DDX10: variants seen among roughly 807,000 people sequenced by gnomAD.
The protein encoded by DDX10 is DEAD-box helicase 10.
In DDX10, 74 loss-of-function variants were observed where a neutral mutation model predicts 104.3. The ratio of observed to expected loss-of-function variants is 0.71; its 90% confidence interval spans 0.59 to 0.86. The LOEUF (loss-of-function observed/expected upper bound fraction) is 0.86. Among genes scored for constraint, DDX10 ranks in the 40% least tolerant of loss-of-function variants. DDX10 has a pLI of 0.00. For synonymous variants in DDX10, 351 were observed against 353.4 expected, an observed-to-expected ratio of 0.99 and a Z score of 0.08; for missense variants, 952 against 1,040.0, an observed-to-expected ratio of 0.92 and a Z score of 1.16.
intron 16 of DDX10, among the ~76,000 whole-genome samples, chr11:108,897,736 GTCTT>G (rs1565312324): frequency 6.6e-6 from 1 of 151,628 alleles, no homozygotes; most frequent in African/African-American, 2.4e-5. Context: ...ACTAATATAT[GTCTT>G]TCTTTCAGTT....
At chr11:108,812,776 G>A (rs1565286598) in intron 13 of DDX10, among the ~76,000 whole-genome samples, 1 of 152,048 alleles carries the variant, frequency 6.6e-6, no homozygotes, top group Non-Finnish European at 1.5e-5. Context: ...GAAGTCCAGA[G>A]TTTGAGACCA....
At chr11:108,685,360 A>G (rs1443663486) in intron 6 of DDX10, among the ~76,000 whole-genome samples, 1 of 151,490 alleles carries the variant, frequency 6.6e-6, no homozygotes, top group African/African-American at 2.4e-5. Flanking sequence ...TGCGCTTCCC[A>G]GGTGAGGCAA....
intron 16 of DDX10, among the ~76,000 whole-genome samples, chr11:108,854,602 C>T (rs1338405509): frequency 6.6e-6 from 1 of 152,144 alleles, no homozygotes; most frequent in East Asian, 1.9e-4. Context: ...CTATTTTAAG[C>T]AATCACTGCA....
chr11:108,928,781 T>C (rs576847059), intron 17 of DDX10, among the ~76,000 whole-genome samples: 1 of 152,332 alleles, frequency 6.6e-6, no homozygotes, highest in African/African-American at 2.4e-5. Flanking sequence ...TAATGTGCAG[T>C]AATTATTTTA....
chr11:108,736,641 C>A (rs1856552655), intron 13 of DDX10, among the ~76,000 whole-genome samples: 1 of 152,084 alleles, frequency 6.6e-6, no homozygotes, highest in Non-Finnish European at 1.5e-5. Flanking sequence ...TATAAAAAGG[C>A]TTCTTGTAGT....
At chr11:108,828,268 C>A (rs1269383806) in intron 13 of DDX10, among the ~76,000 whole-genome samples, 2 of 152,056 alleles carry the variant, frequency 1.3e-5, no homozygotes, top group Non-Finnish European at 2.9e-5. Flanking sequence ...GAACAGTGTA[C>A]ACTGTACCCA....
chr11:108,822,827 A>T (rs1862344642), intron 13 of DDX10, among the ~76,000 whole-genome samples: 1 of 152,242 alleles, frequency 6.6e-6, no homozygotes. Context: ...AGCATTGCTT[A>T]GGAAAATTAT....
At chr11:108,828,803 T>C (rs946768570) in intron 13 of DDX10, among the ~76,000 whole-genome samples, 2 of 152,194 alleles carry the variant, frequency 1.3e-5, no homozygotes, top group African/African-American at 4.8e-5. Flanking sequence ...TTTGTATTTT[T>C]AGTAGAGACG....
At chr11:108,765,844 A>G (rs762914021) in intron 13 of DDX10, among the ~76,000 whole-genome samples, 36 of 152,192 alleles carry the variant, frequency 2.4e-4, no homozygotes, top group Admixed American at 5.2e-4. Flanking sequence ...AATGGACTAG[A>G]AGATTAGGTT....
intron 13 of DDX10, among the ~76,000 whole-genome samples, chr11:108,815,942 G>A (rs1862249087): frequency 6.6e-6 from 1 of 152,046 alleles, no homozygotes; most frequent in South Asian, 2.1e-4. Flanking sequence ...ATCTATTCAG[G>A]TCAGGTTTTT....
intron 15 of DDX10, among the ~76,000 whole-genome samples, chr11:108,851,042 G>A (rs559157941): frequency 1.4e-4 from 22 of 152,170 alleles, no homozygotes; most frequent in African/African-American, 5.3e-4. Flanking sequence ...ACAGTAATGT[G>A]CTAATGGACA....
intron 11 of DDX10, among the ~76,000 whole-genome samples, chr11:108,718,405 T>C (rs1361345387): frequency 6.6e-6 from 1 of 152,196 alleles, no homozygotes; most frequent in Non-Finnish European, 1.5e-5. Flanking sequence ...TAAAAATGAA[T>C]AGGCATGCAA....
At chr11:108,834,180 G>T in intron 13 of DDX10, among the ~76,000 whole-genome samples, 1 of 150,884 alleles carries the variant, frequency 6.6e-6, no homozygotes, top group South Asian at 2.1e-4. Flanking sequence ...AGTTGCCCAG[G>T]CTGGTCGTGA....
intron 6 of DDX10, among the ~76,000 whole-genome samples, chr11:108,686,834 G>A (rs1057089787): frequency 1.3e-5 from 2 of 152,120 alleles, no homozygotes; most frequent in Non-Finnish European, 2.9e-5. Context: ...GCCCAGGCTG[G>A]AGTGCAGTGG....
chr11:108,932,462 A>C (rs1863986946), intron 17 of DDX10, among the ~76,000 whole-genome samples: 1 of 151,956 alleles, frequency 6.6e-6, no homozygotes. Flanking sequence ...TCTAAAAAGA[A>C]ATAATAATAA....
intron 17 of DDX10, chr11:108,922,264 A>AG (rs1555041500): frequency 1.1e-5 from 1 of 93,938 alleles, no homozygotes; most frequent in African/African-American, 4.1e-5. Flanking sequence ...AAAAAAAAAA[A>AG]AGAGAGAGAG....
chr11:108,811,474 ATC>A (rs1254963405), intron 13 of DDX10, among the ~76,000 whole-genome samples: 1 of 152,184 alleles, frequency 6.6e-6, no homozygotes, highest in Non-Finnish European at 1.5e-5. Flanking sequence ...TCTTAATTCC[ATC>A]TCTCAGGATT....
chr11:108,665,319 C>T lies in DDX10; in HGVS notation c.166C>T (p.Leu56Phe), dbSNP rs1280410240. The change falls in exon 1 of 18, where the codon CTC becomes TTC. Residue 56 changes from leucine (L) to phenylalanine (F), a missense_variant. By Grantham distance (22) the Leu-to-Phe change is conservative. Coordinates refer to ENST00000322536, the MANE Select transcript of DDX10 (RefSeq NM_004398.4). ...GGTCGAGCGCGAGAGTATCAGCCGCCTCATGCAGAACTATGAAAAGGTGAG... is the reference window on the plus strand; with the variant it reads ...GGTCGAGCGCGAGAGTATCAGCCGCTTCATGCAGAACTATGAAAAGGTGAG... Reference protein sequence around the residue: ...WQVERESISRLMQNYEKINVN... With the variant: ...WQVERESISRFMQNYEKINVN... 3 of 1,600,002 alleles carry T rather than the reference C, an allele frequency of 1.9e-6. No individual in the cohort carries two copies. Among genetic ancestry groups the T allele is most frequent in the East Asian group, 4.6e-5 (2 of 43,420 alleles).
intron 16 of DDX10, among the ~76,000 whole-genome samples, chr11:108,879,979 A>G (rs1863205571): frequency 6.6e-6 from 1 of 152,192 alleles, no homozygotes; most frequent in African/African-American, 2.4e-5. Context: ...CAATTTCCTA[A>G]CTTTTGGATC....
Sources: gnomAD v4.1 joint callset for allele counts (sites outside exome capture counted in the v4.1 genomes callset) on GRCh38, gnomAD v4.1.1 for gene constraint, MANE v1.5 for transcripts, NCBI Gene and HGNC (gene_info 2026-07-23, HGNC 2026-07-21) for gene names.